TIAM1: variants seen among roughly 807,000 people sequenced by gnomAD.
TIAM1 encodes the protein TIAM Rac1 associated GEF 1, also known as rho guanine nucleotide exchange factor TIAM1.
A neutral mutation model predicts 163.5 loss-of-function variants in TIAM1; 65 were observed. That is an observed-to-expected ratio of 0.40 (90% CI 0.33 to 0.49). The LOEUF (loss-of-function observed/expected upper bound fraction) is 0.49, where lower values mean the gene tolerates loss of function less well. TIAM1 is among the 20% of genes least tolerant of loss of function. The pLI is 0.77. For synonymous variants in TIAM1, 833 were observed against 810.1 expected (o/e 1.03, Z -0.48); for missense variants, 1,789 against 2,044.7 (o/e 0.87, Z 2.41).
intron 1 of TIAM1, among the ~76,000 whole-genome samples, chr21:31,503,857 T>TA (rs967335301): frequency 1.5e-4 from 21 of 144,666 alleles, no homozygotes; most frequent in East Asian, 6.1e-4. Flanking sequence ...AATTTATGTT[T>TA]AAAAAAAAAA....
intron 13 of TIAM1, among the ~76,000 whole-genome samples, chr21:31,190,815 AG>A (rs2085523144): frequency 6.6e-6 from 1 of 152,226 alleles, no homozygotes; most frequent in Non-Finnish European, 1.5e-5. Context: ...GTGTTCAGTC[AG>A]TTGGATTATT....
chr21:31,418,914 C>G (rs2043468687), intron 2 of TIAM1, among the ~76,000 whole-genome samples: 1 of 152,214 alleles, frequency 6.6e-6, no homozygotes, highest in African/African-American at 2.4e-5. Flanking sequence ...AGGTCACACA[C>G]TCAGGTGGCT....
intron 2 of TIAM1, among the ~76,000 whole-genome samples, chr21:31,331,411 C>T (rs845956): frequency 0.15 from 23,539 of 152,148 alleles, 1,967 homozygotes; most frequent in Non-Finnish European, 0.19. Context: ...CACAATGACT[C>T]CCAGGGGAAA....
chr21:31,249,146 T>C (rs562154403), intron 5 of TIAM1, among the ~76,000 whole-genome samples: 7 of 152,246 alleles, frequency 4.6e-5, no homozygotes, highest in East Asian at 1.9e-4. Flanking sequence ...TCTTTGGAAA[T>C]AGGGCCTTTA....
intron 2 of TIAM1, among the ~76,000 whole-genome samples, chr21:31,457,546 G>GT (rs974547349): frequency 6.6e-6 from 1 of 152,148 alleles, no homozygotes; most frequent in Admixed American, 6.6e-5. Context: ...CAAATGAAAA[G>GT]TAAGACAATG....
At chr21:31,295,256 G>A (rs555931701) in intron 2 of TIAM1, among the ~76,000 whole-genome samples, 95 of 152,244 alleles carry the variant, frequency 6.2e-4, no homozygotes, top group African/African-American at 2.3e-3. Flanking sequence ...GGATCATGAA[G>A]TCAGGAAATC....
At chr21:31,520,447 G>A (rs759943521) in intron 1 of TIAM1, among the ~76,000 whole-genome samples, 2 of 152,124 alleles carry the variant, frequency 1.3e-5, no homozygotes, top group Non-Finnish European at 2.9e-5. Context: ...TTTGAGTGCG[G>A]TTTTACTTTT....
chr21:31,280,206 A>G (rs1331986157), intron 2 of TIAM1, among the ~76,000 whole-genome samples: 1 of 152,208 alleles, frequency 6.6e-6, no homozygotes. Context: ...CTCATCTTGA[A>G]TTGTAACTCC....
chr21:31,465,633 C>CAT (rs2045499366), intron 1 of TIAM1, among the ~76,000 whole-genome samples: 1 of 151,064 alleles, frequency 6.6e-6, no homozygotes, highest in Non-Finnish European at 1.5e-5. Context: ...TGCAGTGGTG[C>CAT]GATCTTGGCT....
chr21:31,493,149 C>G (rs2046531619), intron 1 of TIAM1, among the ~76,000 whole-genome samples: 1 of 151,930 alleles, frequency 6.6e-6, no homozygotes, highest in South Asian at 2.1e-4. Flanking sequence ...AGGTACCATG[C>G]AGGCTCTGCA....
chr21:31,543,491 A>G (rs1278524965), intron 1 of TIAM1, among the ~76,000 whole-genome samples: 1 of 143,352 alleles, frequency 7.0e-6, no homozygotes, highest in Non-Finnish European at 1.5e-5. Flanking sequence ...CCCAAGCTAG[A>G]CTATAACAAC....
At position 31,207,285 on chromosome 21, in the gene TIAM1, C is replaced by T. The variant is rs145339351; in HGVS notation, c.2388+2760G>A. On this transcript the variant is annotated intron_variant, in intron 11 of 27. Coordinates refer to ENST00000541036, the MANE Select transcript of TIAM1 (RefSeq NM_001353694.2). Reference sequence around the variant, plus strand: ...GAAGATCTTGAAACATTTACTATACCAGAACTTGACTGGTGCTCAGATGGC... The same window carrying T: ...GAAGATCTTGAAACATTTACTATACTAGAACTTGACTGGTGCTCAGATGGC... Among the ~76,000 whole-genome samples, 132 of 152,196 alleles carry T rather than the reference C, an allele frequency of 8.7e-4. 4 individuals carry two copies. In the East Asian group the frequency reaches 0.015, roughly 17 times the overall value.
In TIAM1 at chr21:31,420,839, C is replaced by T. The variant is rs2043541588; in HGVS notation, c.-369+43144G>A. Among the ~76,000 whole-genome samples, 2 of 151,972 alleles carry T rather than the reference C, an allele frequency of 1.3e-5. 1 individual carries two copies. The highest frequency in any genetic ancestry group is 1.3e-4 in the Admixed American group (2 of 15,254). On this transcript the variant is annotated intron_variant, in intron 2 of 28. Transcript: ENST00000286827. The stretch of plus-strand genomic sequence containing the variant: ...TTTGCAGGTGTAATTAAGATGAAGT[C>T]GGCCAGGTGCGGTGACTCACGTCTG...
At chr21:31,327,120 T>A (rs953780782) in intron 2 of TIAM1, among the ~76,000 whole-genome samples, 3 of 152,084 alleles carry the variant, frequency 2.0e-5, no homozygotes, top group Non-Finnish European at 4.4e-5. Context: ...AGGGAAGTGA[T>A]CAATGGAAAA....
At chr21:31,234,841 G>C (rs2088655859) in intron 6 of TIAM1, among the ~76,000 whole-genome samples, 1 of 151,776 alleles carries the variant, frequency 6.6e-6, no homozygotes. Context: ...AAAAGGATCA[G>C]AACACCAGTG....
intron 13 of TIAM1, among the ~76,000 whole-genome samples, chr21:31,187,421 T>A (rs916929212): frequency 2.0e-5 from 3 of 152,202 alleles, no homozygotes; most frequent in Non-Finnish European, 4.4e-5. Flanking sequence ...AACAGAAAGA[T>A]TAGCTTACCT....
At chr21:31,310,888 T>C (rs1241696602) in intron 2 of TIAM1, among the ~76,000 whole-genome samples, 1 of 152,230 alleles carries the variant, frequency 6.6e-6, no homozygotes, top group African/African-American at 2.4e-5. Flanking sequence ...TGTTTATTTC[T>C]ACAGCAAAGC....
At position 31,252,065 on chromosome 21, in the gene TIAM1, C is replaced by G. The variant is rs993411100; in HGVS notation, c.1088G>C (p.Arg363Pro). The G allele has an allele frequency of 6.2e-7, 1 of 1,614,000 alleles. No homozygotes were observed. Among genetic ancestry groups the G allele is most frequent in the Admixed American group, 1.7e-5 (1 of 60,022 alleles). ...TNSSYSPTTG[R>P]AFVGSDSGSS... ...GCCGCTGTCGCTGCCCACAAAGGCC[C>G]GGCCTGTGGTGGGTGAGTAGCTGGA... Residue 363 changes from arginine to proline, a missense_variant, in exon 5 of 28, where the codon CGG (arginine) becomes CCG (proline). This residue lies in a region of TIAM1 where 555 missense variants were observed against 564.9 expected (regional missense o/e 0.98). Coordinates refer to ENST00000541036, the MANE Select transcript of TIAM1 (RefSeq NM_001353694.2).
intron 2 of TIAM1, among the ~76,000 whole-genome samples, chr21:31,458,121 GGTTC>G (rs2045178306): frequency 6.6e-6 from 1 of 152,120 alleles, no homozygotes; most frequent in South Asian, 2.1e-4. Flanking sequence ...TAACACATGA[GGTTC>G]GATAAAACAA....
Sources: allele counts gnomAD v4.1 joint callset (sites outside exome capture counted in the v4.1 genomes callset), GRCh38; gene constraint gnomAD v4.1.1; regional missense constraint gnomAD v4.1.1; transcripts MANE v1.5; gene names NCBI Gene and HGNC (gene_info 2026-07-23, HGNC 2026-07-21).